PXDN: variants seen among roughly 807,000 people sequenced by gnomAD.
PXDN encodes the protein peroxidasin homolog.
Under a neutral mutation model 140.3 loss-of-function variants are expected in PXDN, and 77 were observed. That is an observed-to-expected ratio of 0.55 (90% CI 0.46 to 0.66). The LOEUF (loss-of-function observed/expected upper bound fraction) is 0.66, where lower values mean the gene tolerates loss of function less well. PXDN is among the 30% of genes least tolerant of loss of function. The pLI is 0.00. For missense variants in PXDN, 1,838 were observed against 2,039.5 expected (o/e 0.90, Z 1.90); for synonymous variants, 911 against 857.4 (o/e 1.06, Z -1.09).
chr2:1,735,215 G>A (rs912654122), intron 1 of PXDN, among the ~76,000 whole-genome samples: 1 of 152,144 alleles, frequency 6.6e-6, no homozygotes. Context: ...CCATCCATGA[G>A]GGTTGGAATC....
chr2:1,658,514 G>A (rs1357885988), intron 14 of PXDN, among the ~76,000 whole-genome samples: 1 of 151,706 alleles, frequency 6.6e-6, no homozygotes, highest in African/African-American at 2.4e-5. Context: ...CCCCAGCTGT[G>A]GGCCCGGGTG....
In PXDN at chr2:1,643,404, T is replaced by G; in HGVS notation, c.3916A>C (p.Arg1306=). The G allele has an allele frequency of 6.2e-7, 1 of 1,613,904 alleles. No individual in the cohort carries two copies. Among genetic ancestry groups the G allele is most frequent in the Non-Finnish European group, 8.5e-7 (1 of 1,179,886 alleles). ...HGYGSCDEIP[R]VDLRVWQDCC... ...TCCTGCCACACCCGGAGGTCTACCCTGGGGATCTCGTCACAGCTGCCGTAG... is the reference window on the plus strand; with the variant it reads ...TCCTGCCACACCCGGAGGTCTACCCGGGGGATCTCGTCACAGCTGCCGTAG... Residue 1306 remains arginine, a synonymous_variant, in exon 19 of 23, where the codon AGG becomes CGG. Coordinates refer to ENST00000252804, the MANE Select transcript of PXDN (RefSeq NM_012293.3).
chr2:1,686,356 A>G (rs1283845193), intron 4 of PXDN, among the ~76,000 whole-genome samples: 2 of 152,162 alleles, frequency 1.3e-5, no homozygotes, highest in African/African-American at 2.4e-5. Flanking sequence ...CCTCCCCATC[A>G]TCCAAAATTT....
chr2:1,644,566 C>T (rs1682806829), intron 18 of PXDN, 52 bp downstream of exon 18: 1 of 1,522,880 alleles, frequency 6.6e-7, no homozygotes, highest in Non-Finnish European at 8.9e-7. Flanking sequence ...CCTCTGGAGT[C>T]CCTAAGAAGG....
intron 1 of PXDN, among the ~76,000 whole-genome samples, chr2:1,730,119 G>C (rs116783578): frequency 2.0e-5 from 3 of 152,272 alleles, no homozygotes; most frequent in Non-Finnish European, 4.4e-5. Flanking sequence ...TGAGAACAAA[G>C]CCCAGCTAAT....
intron 1 of PXDN, among the ~76,000 whole-genome samples, chr2:1,720,426 G>C (rs1471245225): frequency 6.6e-6 from 1 of 151,970 alleles, no homozygotes; most frequent in East Asian, 1.9e-4. Context: ...GGGATGCAGA[G>C]AGAGAGGTGG....
At chr2:1,636,724 C>T (rs896407368) in intron 21 of PXDN, 9 of 147,948 alleles carry the variant, frequency 6.1e-5, no homozygotes, top group Non-Finnish European at 1.0e-4. Context: ...GCCTCAGGAA[C>T]AGTGGCACAG....
At position 1,656,930 on chromosome 2, in the gene PXDN, A is replaced by T. The variant is rs574203282; in HGVS notation, c.1838-2422T>A. On this transcript the variant is annotated intron_variant, in intron 14 of 22. Coordinates refer to ENST00000252804, the MANE Select transcript of PXDN (RefSeq NM_012293.3). ...CCTGACTGGAACCTGTCCCCTCCTG[A>T]CAGAAACCTGTCCCCTCCTGCCTCA... is the stretch of plus-strand genomic sequence containing the variant. Among the ~76,000 whole-genome samples the T allele has an allele frequency of 8.9e-3, 1,283 of 143,554 alleles. 14 individuals are homozygous for T. Among genetic ancestry groups the T allele is most frequent in the African/African-American group, 0.033 (1,234 of 36,992 alleles). 94.2% of individuals were successfully genotyped at this position (143,554 alleles called of 152,430 possible).
At chr2:1,665,304 C>G (rs1683409450) in intron 10 of PXDN, among the ~76,000 whole-genome samples, 1 of 152,180 alleles carries the variant, frequency 6.6e-6, no homozygotes, top group African/African-American at 2.4e-5. Flanking sequence ...AAAGACCGTT[C>G]AACCACACCG....
chr2:1,720,334 AGG>A, intron 1 of PXDN, among the ~76,000 whole-genome samples: 1 of 104,320 alleles, frequency 9.6e-6, no homozygotes, highest in Non-Finnish European at 1.9e-5. Flanking sequence ...GCACAGAGAG[AGG>A]GAGGGATGCA....
intron 1 of PXDN, among the ~76,000 whole-genome samples, chr2:1,704,413 A>G (rs1343700883): frequency 4.8e-3 from 35 of 7,364 alleles, no homozygotes; most frequent in Admixed American, 8.6e-3. Flanking sequence ...CAGGTGAAGG[A>G]GGGCAACTCC....
At chr2:1,744,870 G>A (rs1484954915), upstream of PXDN, 1 of 162,198 alleles carries the variant, frequency 6.2e-6, no homozygotes, top group Non-Finnish European at 1.3e-5. Flanking sequence ...AACACTTTTA[G>A]AGCGCTTGCT....
intron 21 of PXDN, 51 bp from the exon 22 acceptor site, chr2:1,635,572 T>C: frequency 7.7e-7 from 1 of 1,290,790 alleles, no homozygotes; most frequent in Non-Finnish European, 1.1e-6. Flanking sequence ...GAGTAACAGC[T>C]TGGCTCTTGT....
At chr2:1,729,010 C>T (rs981858100) in intron 1 of PXDN, among the ~76,000 whole-genome samples, 16 of 145,044 alleles carry the variant, frequency 1.1e-4, no homozygotes, top group African/African-American at 4.0e-4. Context: ...GCTGGCTGCT[C>T]TGTGAGCTCC....
chr2:1,653,787 T>C lies in PXDN; in HGVS notation c.1947-2A>G. 6.4e-7 allele frequency: 1 copy of C among 1,562,208 alleles called. No homozygotes were observed. Among genetic ancestry groups the C allele is most frequent in the Non-Finnish European group, 8.7e-7 (1 of 1,150,198 alleles). The stretch of plus-strand genomic sequence containing the variant: ...AAATCATTTGGAGAACGAGGACGGC[T>C]AACCAGAGTTTAGGGGGAAGAAAGG... On this transcript the variant is annotated splice_acceptor_variant, in intron 15 of 22. Coordinates refer to ENST00000252804, the MANE Select transcript of PXDN (RefSeq NM_012293.3). LOFTEE classifies it high-confidence loss of function.
At chr2:1,696,375 CT>C (rs1684301909) in intron 1 of PXDN, among the ~76,000 whole-genome samples, 2 of 151,890 alleles carry the variant, frequency 1.3e-5, no homozygotes. Flanking sequence ...CCAAAAAAGA[CT>C]TCTACTATGA....
Position 1,687,536 on chromosome 2 carries a change from A to T in PXDN, c.416+96T>A. On this transcript the variant is annotated intron_variant, in intron 4 of 22. Coordinates refer to ENST00000252804, the MANE Select transcript of PXDN (RefSeq NM_012293.3). The surrounding 1 kb of genome is among the most constrained non-coding windows in gnomAD (Gnocchi z 4.0). ...CGCACCTCAGGTAGCATAGTCATGC[A>T]TCATGCAAACAGCTAGCTCACTCCA... The T allele has an allele frequency of 1.1e-6, 1 of 924,478 alleles. No homozygotes were observed. Among genetic ancestry groups the T allele is most frequent in the Non-Finnish European group, 1.6e-6 (1 of 630,654 alleles). 57.3% of individuals were successfully genotyped at this position (924,478 alleles called of 1,614,324 possible). A position where few individuals can be genotyped will look rare whatever the true frequency, so the allele number is the denominator to read the frequency against.
At chr2:1,636,652 T>G (rs1375948946) in intron 21 of PXDN, 2 of 144,358 alleles carry the variant, frequency 1.4e-5, no homozygotes, top group Admixed American at 1.5e-4. Context: ...AACTGGCACT[T>G]AAGTTATCAA....
intron 17 of PXDN, among the ~76,000 whole-genome samples, chr2:1,645,136 T>A (rs1345159793): frequency 6.6e-6 from 1 of 152,188 alleles, no homozygotes; most frequent in Non-Finnish European, 1.5e-5. Context: ...TATAGCTAAA[T>A]GTATATAGTT....
Sources: allele counts gnomAD v4.1 joint callset (sites outside exome capture counted in the v4.1 genomes callset), GRCh38; gene constraint gnomAD v4.1.1; non-coding constraint Gnocchi (gnomAD v3.1); transcripts MANE v1.5; gene names NCBI Gene and HGNC (gene_info 2026-07-23, HGNC 2026-07-21).